MYO3B: variants seen among roughly 807,000 people sequenced by gnomAD.
MYO3B encodes myosin IIIB.
MYO3B carries 156 observed loss-of-function variants against 174.6 expected under a neutral mutation model. The observed-to-expected ratio is 0.89, with a 90% CI of 0.78 to 1.02. MYO3B has a LOEUF of 1.02. Ranked by LOEUF, MYO3B falls within the 50% of genes least tolerant of loss-of-function variation. The pLI, the probability that MYO3B is intolerant of heterozygous loss-of-function variation, is 0.00. For synonymous variants in MYO3B, 563 were observed against 569.1 expected (o/e 0.99, Z 0.15); for missense variants, 1,632 against 1,639.4 (o/e 1.00, Z 0.08).
At position 170,284,607 on chromosome 2, in the gene MYO3B, C is replaced by T. The variant is rs955593744; in HGVS notation, c.749+48471C>T. On this transcript the variant is annotated intron_variant, in intron 7 of 34. Coordinates refer to ENST00000408978, the MANE Select transcript of MYO3B (RefSeq NM_138995.5). ...TGGAAAATATAAAAGAATGTATTTC[C>T]TGAGGAGAGTGGCCTACATTGTTAA... Among the ~76,000 whole-genome samples, 5 of 152,094 alleles carry T rather than the reference C, an allele frequency of 3.3e-5. 1 individual carries two copies. The highest frequency in any genetic ancestry group is 5.9e-5 in the Non-Finnish European group (4 of 68,018).
chr2:170,335,584 C>G (rs1237957387), intron 8 of MYO3B, 134 bp downstream of exon 8: 2 of 637,958 alleles, frequency 3.1e-6, no homozygotes, highest in African/African-American at 3.7e-5. Context: ...GGGGTTTGTT[C>G]TAGTAAATGA....
intron 16 of MYO3B, among the ~76,000 whole-genome samples, chr2:170,395,401 T>C (rs1301297630): frequency 1.3e-5 from 2 of 152,222 alleles, no homozygotes; most frequent in Non-Finnish European, 2.9e-5. Context: ...GCAGATGATC[T>C]ATGTGATGGT....
intron 8 of MYO3B, among the ~76,000 whole-genome samples, chr2:170,355,631 T>C (rs2094114489): frequency 6.6e-6 from 1 of 152,206 alleles, no homozygotes; most frequent in South Asian, 2.1e-4. Context: ...CCAACTCACA[T>C]TGTTGGGATT....
chr2:170,237,659 T>C (rs1393044212), intron 7 of MYO3B, among the ~76,000 whole-genome samples: 1 of 152,190 alleles, frequency 6.6e-6, no homozygotes, highest in Admixed American at 6.5e-5. Context: ...ATCTCTTCCA[T>C]CTTGGGAGAA....
chr2:170,341,549 G>A (rs1316871810), intron 8 of MYO3B: 1 of 152,142 alleles, frequency 6.6e-6, no homozygotes, highest in Non-Finnish European at 1.5e-5. Context: ...TATTTAGGCA[G>A]TGATTAGCTA....
intron 32 of MYO3B, among the ~76,000 whole-genome samples, chr2:170,628,953 T>C (rs1383421725): frequency 6.6e-6 from 1 of 152,186 alleles, no homozygotes. Flanking sequence ...TAGGCACACT[T>C]ACATCCTATG....
intron 25 of MYO3B, among the ~76,000 whole-genome samples, chr2:170,490,509 G>A (rs892061215): frequency 1.3e-5 from 2 of 151,082 alleles, no homozygotes; most frequent in African/African-American, 2.5e-5. Flanking sequence ...TTCTACTTAC[G>A]CCCTTCAAAC....
intron 32 of MYO3B, among the ~76,000 whole-genome samples, chr2:170,610,257 G>A (rs1011262180): frequency 1.6e-5 from 1 of 62,214 alleles, no homozygotes; most frequent in African/African-American, 5.3e-5. Context: ...GGAGAATGGC[G>A]TGAACCCCGG....
intron 8 of MYO3B, among the ~76,000 whole-genome samples, chr2:170,337,597 T>G (rs2093953936): frequency 6.6e-6 from 1 of 152,194 alleles, no homozygotes; most frequent in Non-Finnish European, 1.5e-5. Flanking sequence ...AGTTGACTCT[T>G]AAACAATGCA....
chr2:170,403,193 G>A (rs896506495), intron 19 of MYO3B, among the ~76,000 whole-genome samples, 198 bp downstream of exon 19: 5 of 152,196 alleles, frequency 3.3e-5, no homozygotes, highest in African/African-American at 7.2e-5. Context: ...TTCCTCACTT[G>A]AGTGGAGCTG....
At chr2:170,217,544 G>C in intron 6 of MYO3B, 149 bp downstream of exon 6, 1 of 715,094 alleles carries the variant, frequency 1.4e-6, no homozygotes. Flanking sequence ...AGTTTGGTCA[G>C]CGATGCTGGT....
chr2:170,537,410 G>A (rs1049976666), intron 30 of MYO3B, among the ~76,000 whole-genome samples: 5 of 142,602 alleles, frequency 3.5e-5, no homozygotes, highest in African/African-American at 1.3e-4. Context: ...TGCTTCTTGG[G>A]AACAAGAAAT....
chr2:170,309,384 T>C lies in MYO3B; in HGVS notation c.750-26001T>C, dbSNP rs2093722644. ...TATCCTGCCACTAGATCTTTATACA[T>C]GTTGTTTCCCTTGAAGGAATGTTCT... On this transcript the variant is annotated intron_variant, in intron 7 of 34. Transcript: ENST00000408978. Among the ~76,000 whole-genome samples, 2 of 152,194 alleles carry C rather than the reference T, an allele frequency of 1.3e-5. 1 individual carries two copies. The highest frequency in any genetic ancestry group is 4.1e-4 in the South Asian group (2 of 4,830).
chr2:170,504,511 C>T (rs1687496479), intron 28 of MYO3B, among the ~76,000 whole-genome samples: 3 of 152,216 alleles, frequency 2.0e-5, no homozygotes, highest in Admixed American at 6.5e-5. Context: ...CGATCTATTA[C>T]GGCACATTCA....
intron 7 of MYO3B, among the ~76,000 whole-genome samples, chr2:170,305,814 C>G (rs1451758557): frequency 6.6e-6 from 1 of 152,096 alleles, no homozygotes; most frequent in African/African-American, 2.4e-5. Context: ...TCTCAAACTC[C>G]TGGGCTCAAG....
At chr2:170,335,630 G>A (rs546540150) in intron 8 of MYO3B, among the ~76,000 whole-genome samples, 180 bp downstream of exon 8, 5 of 152,270 alleles carry the variant, frequency 3.3e-5, no homozygotes, top group Admixed American at 1.3e-4. Flanking sequence ...AAAGTAAGGC[G>A]TTCCATTTGA....
intron 20 of MYO3B, among the ~76,000 whole-genome samples, chr2:170,404,793 T>A (rs749322067): frequency 2.0e-5 from 3 of 152,208 alleles, no homozygotes; most frequent in Non-Finnish European, 4.4e-5. Context: ...TCCAGTCTCC[T>A]GACTTCCAGG....
chr2:170,359,034 T>C (rs1251794136), intron 8 of MYO3B, among the ~76,000 whole-genome samples: 21 of 152,142 alleles, frequency 1.4e-4, no homozygotes, highest in Admixed American at 1.4e-3. Flanking sequence ...GTAGCATCAC[T>C]ACAGGCAATG....
At chr2:170,361,847 T>A (rs1223787801) in intron 8 of MYO3B, among the ~76,000 whole-genome samples, 1 of 152,216 alleles carries the variant, frequency 6.6e-6, no homozygotes, top group Non-Finnish European at 1.5e-5. Context: ...ACTGTGGCTC[T>A]CCACTTGTCC....
Sources: allele counts gnomAD v4.1 joint callset (sites outside exome capture counted in the v4.1 genomes callset), GRCh38; gene constraint gnomAD v4.1.1; transcripts MANE v1.5; gene names NCBI Gene and HGNC (gene_info 2026-07-23, HGNC 2026-07-21).